HHAT: variants seen among roughly 807,000 people sequenced by gnomAD.
The protein encoded by HHAT is hedgehog acyltransferase, also known as protein-cysteine N-palmitoyltransferase HHAT.
In HHAT, 47 loss-of-function variants were observed where a neutral mutation model predicts 70.8. That is an observed-to-expected ratio of 0.66 (90% CI 0.53 to 0.85). The LOEUF is 0.85. HHAT is among the 40% of genes least tolerant of loss of function. HHAT has a pLI of 0.00. For synonymous variants in HHAT, 228 were observed against 247.6 expected (o/e 0.92, Z 0.74); for missense variants, 609 against 604.8 (o/e 1.01, Z -0.07).
chr1:210,506,318 G>A (rs113785052), intron 8 of HHAT, among the ~76,000 whole-genome samples: 1,888 of 151,684 alleles, frequency 0.012, 34 homozygotes, highest in African/African-American at 0.043. Flanking sequence ...TTCATACTTA[G>A]AGATGCTGCC....
Position 210,474,843 on chromosome 1 carries a change from TTTTG to T in HHAT, c.1007+10208_1007+10211del, listed in dbSNP as rs563684265. On this transcript the variant is annotated intron_variant, in intron 8 of 11. Transcript: ENST00000261458. ...AGGTGTTTTTTTTTTTTTCCGTTTT[TTTTG>T]TTTGTTTGTTTGTTTGTTTTTGAGA... Among the ~76,000 whole-genome samples the T allele has an allele frequency of 1.7e-3, 255 of 151,478 alleles. 1 individual carries two copies. The highest frequency in any genetic ancestry group is 5.7e-3 in the African/African-American group (236 of 41,128).
At chr1:210,405,122 C>T (rs995716058) in intron 6 of HHAT, among the ~76,000 whole-genome samples, 2 of 152,148 alleles carry the variant, frequency 1.3e-5, no homozygotes, top group Non-Finnish European at 2.9e-5. Context: ...AATAGTCCTG[C>T]CATAGCCTGG....
chr1:210,664,937 C>T (rs1455364913), intron 11 of HHAT, among the ~76,000 whole-genome samples: 1 of 152,220 alleles, frequency 6.6e-6, no homozygotes, highest in Non-Finnish European at 1.5e-5. Flanking sequence ...GAGAGGCCCC[C>T]AAATTCATCA....
intron 11 of HHAT, among the ~76,000 whole-genome samples, chr1:210,658,788 C>CA (rs910083814): frequency 2.0e-5 from 3 of 152,234 alleles, no homozygotes; most frequent in African/African-American, 7.2e-5. Flanking sequence ...GAAACTCACT[C>CA]AAAACCGCAC....
intron 8 of HHAT, among the ~76,000 whole-genome samples, chr1:210,497,383 A>G (rs1005853043): frequency 1.3e-5 from 2 of 152,246 alleles, no homozygotes; most frequent in Admixed American, 6.5e-5. Flanking sequence ...AGAAGTCTCT[A>G]GTTAAACAGT....
chr1:210,561,831 T>A (rs970767459), intron 9 of HHAT, among the ~76,000 whole-genome samples: 3 of 152,224 alleles, frequency 2.0e-5, no homozygotes, highest in Admixed American at 2.0e-4. Flanking sequence ...TCTCAATGTT[T>A]GTTTTGTCTG....
chr1:210,437,346 A>G (rs2093402117), intron 7 of HHAT, among the ~76,000 whole-genome samples: 2 of 151,924 alleles, frequency 1.3e-5, no homozygotes, highest in Non-Finnish European at 1.5e-5. Context: ...GATGGTCAGT[A>G]TGTCCATGGA....
chr1:210,482,184 T>C (rs895972052), intron 8 of HHAT, among the ~76,000 whole-genome samples: 1 of 152,110 alleles, frequency 6.6e-6, no homozygotes, highest in Admixed American at 6.6e-5. Context: ...CAAGCCTAGA[T>C]GTCATCATCT....
intron 3 of HHAT, among the ~76,000 whole-genome samples, chr1:210,375,270 T>G (rs936635541): frequency 4.8e-5 from 7 of 146,526 alleles, no homozygotes; most frequent in Non-Finnish European, 4.5e-5. Flanking sequence ...ACAATGCTTT[T>G]AAATATATAT....
At position 210,674,279 on chromosome 1, in the gene HHAT, C is replaced by T. The variant is rs1343625282; in HGVS notation, c.1391-9C>T. 2 of 1,609,456 alleles carry T rather than the reference C, an allele frequency of 1.2e-6. No homozygotes were observed. Among genetic ancestry groups the T allele is most frequent in the African/African-American group, 1.3e-5 (1 of 74,970 alleles). ...TAACTGCTCTTCCATCTCTGTCCTC[C>T]CTCTGCAGGCTGGCCTTGGGTGACC... On this transcript the variant is annotated splice_polypyrimidine_tract_variant and intron_variant, in intron 11 of 11. Coordinates refer to ENST00000261458, the MANE Select transcript of HHAT (RefSeq NM_018194.6).
intron 8 of HHAT, among the ~76,000 whole-genome samples, chr1:210,483,652 T>C (rs2094432163): frequency 6.6e-6 from 1 of 152,194 alleles, no homozygotes; most frequent in South Asian, 2.1e-4. Context: ...AGAAGTGATA[T>C]AATTTATTTG....
chr1:210,611,490 G>A (rs569303148), intron 10 of HHAT, among the ~76,000 whole-genome samples: 16 of 152,060 alleles, frequency 1.1e-4, no homozygotes, highest in African/African-American at 3.1e-4. Flanking sequence ...ATTTGAATGC[G>A]CTTTATTTAT....
intron 9 of HHAT, among the ~76,000 whole-genome samples, chr1:210,536,675 A>AC (rs1358237438): frequency 2.6e-5 from 4 of 152,250 alleles, no homozygotes. Context: ...GGGTGCTAAT[A>AC]CAGGTGATCA....
At chr1:210,414,701 A>G (rs1423550597) in intron 6 of HHAT, among the ~76,000 whole-genome samples, 2 of 152,100 alleles carry the variant, frequency 1.3e-5, no homozygotes, top group Non-Finnish European at 2.9e-5. Context: ...GTAAGATCAC[A>G]TTACTTTTTC....
At chr1:210,436,340 A>G (rs2093374313) in intron 7 of HHAT, among the ~76,000 whole-genome samples, 1 of 151,392 alleles carries the variant, frequency 6.6e-6, no homozygotes, top group Admixed American at 6.6e-5. Flanking sequence ...TTTTAATGCC[A>G]GTACCATGAT....
chr1:210,342,869 TG>T (rs1405687155), intron 1 of HHAT, among the ~76,000 whole-genome samples: 1 of 152,224 alleles, frequency 6.6e-6, no homozygotes, highest in Non-Finnish European at 1.5e-5. Flanking sequence ...TTTTACATTG[TG>T]TCATAAATCC....
intron 7 of HHAT, among the ~76,000 whole-genome samples, chr1:210,423,269 T>C (rs2092959192): frequency 1.3e-5 from 2 of 152,174 alleles, no homozygotes; most frequent in South Asian, 4.1e-4. Flanking sequence ...TCATCCTAAC[T>C]CTGGGGTGAG....
chr1:210,453,468 G>A (rs1208068594), intron 7 of HHAT, among the ~76,000 whole-genome samples: 6 of 152,242 alleles, frequency 3.9e-5, no homozygotes, highest in African/African-American at 1.4e-4. Flanking sequence ...AATATATACT[G>A]AAATGTAGCA....
chr1:210,628,972 G>T lies in HHAT; in HGVS notation c.1390+5302G>T, dbSNP rs115811691. ...TGACTTTGTTTCGCGGTCTTTCCTA[G>T]CCCTTCCCTCTAAGTGGAGTTTTCA... On this transcript the variant is annotated intron_variant, in intron 11 of 11. Coordinates refer to ENST00000261458, the MANE Select transcript of HHAT (RefSeq NM_018194.6). 7.1e-3 allele frequency among the ~76,000 whole-genome samples: 1,075 copies of T among 152,260 alleles called. 9 individuals carry two copies. Among genetic ancestry groups the T allele is most frequent in the African/African-American group, 0.024 (1,008 of 41,532 alleles).
Sources: allele counts gnomAD v4.1 joint callset (sites outside exome capture counted in the v4.1 genomes callset), GRCh38; gene constraint gnomAD v4.1.1; transcripts MANE v1.5; gene names NCBI Gene and HGNC (gene_info 2026-07-23, HGNC 2026-07-21).